Variants in SNX10 observed in about 807,000 individuals in gnomAD.
SNX10 encodes sorting nexin-10.
A neutral mutation model predicts 28.5 loss-of-function variants in SNX10; 25 were observed. The observed-to-expected ratio is 0.88, with a 90% CI of 0.64 to 1.22. The LOEUF (loss-of-function observed/expected upper bound fraction) is 1.22. Ranked by LOEUF, SNX10 falls within the 50% of genes most tolerant of loss-of-function variation. SNX10 has a pLI of 0.00. For missense variants in SNX10, 223 were observed against 242.6 expected, an observed-to-expected ratio of 0.92 and a Z score of 0.54; for synonymous variants, 62 against 81.4, an observed-to-expected ratio of 0.76 and a Z score of 1.28.
chr7:26,366,358 A>G (rs975854633), intron 5 of SNX10, among the ~76,000 whole-genome samples: 3 of 152,234 alleles, frequency 2.0e-5, no homozygotes, highest in Non-Finnish European at 4.4e-5. Context: ...CTAGAGGCAT[A>G]CAGAAAGATC....
chr7:26,337,324 T>C (rs1319898476), intron 1 of SNX10, among the ~76,000 whole-genome samples: 1 of 152,246 alleles, frequency 6.6e-6, no homozygotes, highest in African/African-American at 2.4e-5. Context: ...TGTATAGACC[T>C]TACCACTTTT....
chr7:26,329,360 G>A lies in SNX10; in HGVS notation c.-23-17060G>A, dbSNP rs115144498. ...TGTCCCTGGTTTCCTTTCTTCTGTCGGGTTTCAGCTCAAATGTCACCTCCT... is the reference window on the plus strand; with the variant it reads ...TGTCCCTGGTTTCCTTTCTTCTGTCAGGTTTCAGCTCAAATGTCACCTCCT... On this transcript the variant is annotated intron_variant, in intron 1 of 6. Coordinates refer to ENST00000338523, the MANE Select transcript of SNX10 (RefSeq NM_013322.3). Among the ~76,000 whole-genome samples, 975 of 152,172 alleles carry A rather than the reference G, an allele frequency of 6.4e-3. 10 individuals carry two copies. The highest frequency in any genetic ancestry group is 0.022 in the African/African-American group (927 of 41,504).
chr7:26,330,167 C>T lies in SNX10; in HGVS notation c.-23-16253C>T, dbSNP rs116511457. On this transcript the variant is annotated intron_variant, in intron 1 of 6. Coordinates refer to ENST00000338523, the MANE Select transcript of SNX10 (RefSeq NM_013322.3). ...AAGGAGGTAGGCTAAGGCAAGAGCC[C>T]GGAATGTTAGGGCTTTACTCATGAT... Among the ~76,000 whole-genome samples the T allele has an allele frequency of 9.0e-3, 1,368 of 151,986 alleles. 24 individuals carry two copies. Among genetic ancestry groups the T allele is most frequent in the African/African-American group, 0.03 (1,240 of 41,460 alleles).
intron 1 of SNX10, among the ~76,000 whole-genome samples, chr7:26,309,677 C>G (rs75696669): frequency 0.057 from 8,688 of 152,162 alleles, 556 homozygotes; most frequent in East Asian, 0.27. Context: ...TAGTAACTCA[C>G]TTTGGGTTGG....
intron 1 of SNX10, among the ~76,000 whole-genome samples, chr7:26,299,845 T>C (rs1234773398): frequency 6.6e-6 from 1 of 152,158 alleles, no homozygotes; most frequent in Non-Finnish European, 1.5e-5. Context: ...GAGGATTGCT[T>C]GAGCCTGGGA....
At chr7:26,349,077 T>A (rs1203489709) in intron 2 of SNX10, among the ~76,000 whole-genome samples, 2 of 152,236 alleles carry the variant, frequency 1.3e-5, no homozygotes, top group Admixed American at 6.5e-5. Context: ...TAGTGTCTGG[T>A]TGTTTAGTGG....
At position 26,358,593 on chromosome 7, in the gene SNX10, G is replaced by A. The variant is rs1444753662; in HGVS notation, c.25-2382G>A. 2.6e-5 allele frequency among the ~76,000 whole-genome samples: 4 copies of A among 151,808 alleles called. No homozygotes were observed. The East Asian group carries it at 7.8e-4, about 29-fold the overall frequency. Reference sequence around the variant, plus strand: ...CATCTCTAAAAAAATTAAAAAATTAGCTGGGCATGGTGGCACCCGCCTGTA... The same window carrying A: ...CATCTCTAAAAAAATTAAAAAATTAACTGGGCATGGTGGCACCCGCCTGTA... On this transcript the variant is annotated intron_variant, in intron 2 of 6. Coordinates refer to ENST00000338523, the MANE Select transcript of SNX10 (RefSeq NM_013322.3).
rs982361856 is a variant in SNX10, at chr7:26,351,646, G to GTTTTTTTTTTT, written c.24+5182_24+5192dup. Among the ~76,000 whole-genome samples the GTTTTTTTTTTT allele has an allele frequency of 2.0e-3, 223 of 112,602 alleles. 7 individuals are homozygous for GTTTTTTTTTTT. Among genetic ancestry groups the GTTTTTTTTTTT allele is most frequent in the African/African-American group, 4.3e-3 (133 of 30,802 alleles). 73.9% of individuals were successfully genotyped at this position (112,602 alleles called of 152,430 possible). A position where few individuals can be genotyped will look rare whatever the true frequency, so the allele number is the denominator to read the frequency against. ...AAAACTAAAGCAATCAAGCAGTCTG[G>GTTTTTTTTTTT]TTTTTTTTTTTTGTTTTTTTTTTTT... On this transcript the variant is annotated intron_variant, in intron 2 of 6. Coordinates refer to ENST00000338523, the MANE Select transcript of SNX10 (RefSeq NM_013322.3).
intron 2 of SNX10, chr7:26,360,729 T>C (rs991491471): frequency 1.2e-6 from 1 of 842,748 alleles, no homozygotes; most frequent in African/African-American, 1.8e-5. Context: ...CCAGTAAAAC[T>C]ATCCAGAAGT....
At chr7:26,353,129 A>G (rs1384636930) in intron 2 of SNX10, among the ~76,000 whole-genome samples, 8 of 152,218 alleles carry the variant, frequency 5.3e-5, no homozygotes, top group African/African-American at 1.9e-4. Flanking sequence ...GCTAAATCTC[A>G]TTCACAGTTG....
At chr7:26,348,832 A>G (rs954573818) in intron 2 of SNX10, among the ~76,000 whole-genome samples, 2 of 152,034 alleles carry the variant, frequency 1.3e-5, no homozygotes, top group African/African-American at 2.4e-5. Context: ...TCTGACCCCC[A>G]TGGACTTTTA....
intron 1 of SNX10, among the ~76,000 whole-genome samples, chr7:26,339,236 C>T (rs1488668167): frequency 2.6e-5 from 4 of 152,062 alleles, no homozygotes; most frequent in Admixed American, 6.6e-5. Context: ...GGTCTGATTT[C>T]TTTCACTGCC....
chr7:26,366,038 G>A (rs1227236937), intron 5 of SNX10, among the ~76,000 whole-genome samples: 1 of 152,168 alleles, frequency 6.6e-6, no homozygotes, highest in African/African-American at 2.4e-5. Context: ...TTATCTTAAT[G>A]CACTTAGACA....
At chr7:26,370,710 C>A (rs1220558476) in intron 5 of SNX10, 1 of 152,122 alleles carries the variant, frequency 6.6e-6, no homozygotes, top group Non-Finnish European at 1.5e-5. Context: ...CTTGTTTAAA[C>A]AAGCAGAATA....
chr7:26,358,638 G>A (rs1271797184), intron 2 of SNX10, among the ~76,000 whole-genome samples: 4 of 151,892 alleles, frequency 2.6e-5, no homozygotes, highest in Non-Finnish European at 4.4e-5. Context: ...CTGGGGGCGG[G>A]GTTGGCTAAG....
rs563689517 is a variant in SNX10 at position 26,348,638 on chromosome 7, G to A, written c.24+2172G>A. 1.1e-3 allele frequency among the ~76,000 whole-genome samples: 172 copies of A among 152,254 alleles called. 1 individual carries two copies. Among genetic ancestry groups the A allele is most frequent in the African/African-American group, 3.9e-3 (160 of 41,550 alleles). ...GTCACTTGGTGTAGCTGGAATGATC[G>A]CCTGGCGTCAAATCCATTGCCCTTA... is the stretch of plus-strand genomic sequence containing the variant. On this transcript the variant is annotated intron_variant, in intron 2 of 6. Coordinates refer to ENST00000338523, the MANE Select transcript of SNX10 (RefSeq NM_013322.3).
chr7:26,365,273 C>T, intron 5 of SNX10, 128 bp downstream of exon 5: 1 of 594,216 alleles, frequency 1.7e-6, no homozygotes. Context: ...GAGCAAAACC[C>T]AGTGGCCCAT....
chr7:26,311,129 T>C (rs944297508), intron 1 of SNX10, among the ~76,000 whole-genome samples: 7 of 151,782 alleles, frequency 4.6e-5, no homozygotes, highest in African/African-American at 1.7e-4. Flanking sequence ...GGGACAGTGG[T>C]TTAACATTTT....
At chr7:26,366,998 G>A (rs776776315) in intron 5 of SNX10, among the ~76,000 whole-genome samples, 2 of 152,068 alleles carry the variant, frequency 1.3e-5, no homozygotes, top group East Asian at 1.9e-4. Context: ...TCAAGGAGCC[G>A]GGTTCTAGGT....
Sources: allele counts gnomAD v4.1 joint callset (sites outside exome capture counted in the v4.1 genomes callset), GRCh38; gene constraint gnomAD v4.1.1; transcripts MANE v1.5; gene names NCBI Gene and HGNC (gene_info 2026-07-23, HGNC 2026-07-21).